ATXN7: variants seen among roughly 807,000 people sequenced by gnomAD.
ATXN7 encodes the protein ataxin-7.
ATXN7 carries 12 observed loss-of-function variants against 70.5 expected under a neutral mutation model. The ratio of observed to expected loss-of-function variants is 0.17; its 90% CI spans 0.11 to 0.28. The LOEUF is 0.28. Among genes scored for constraint, ATXN7 ranks in the 10% least tolerant of loss-of-function variants. ATXN7 has a pLI of 1.00. For missense variants in ATXN7, 1,256 were observed against 1,131.7 expected (o/e 1.11, Z -1.58); for synonymous variants, 498 against 448.7 (o/e 1.11, Z -1.39).
intron 5 of ATXN7, among the ~76,000 whole-genome samples, chr3:63,975,004 T>TC (rs2075369451): frequency 6.6e-6 from 1 of 152,186 alleles, no homozygotes; most frequent in Non-Finnish European, 1.5e-5. Context: ...TTTTGAATCT[T>TC]CCCACATGGC....
chr3:64,001,271 T>A lies in ATXN7; in HGVS notation c.*1804T>A, dbSNP rs1470371521. On this transcript the variant is annotated 3_prime_UTR_variant, in exon 13 of 13. Transcript: ENST00000674280. ...AGAACAGTATCTTGTTCAATTATTA[T>A]GCAATCAATCAGTAAATGTTTTTAA... 2 of 152,252 alleles carry A rather than the reference T, an allele frequency of 1.3e-5. No individual in the cohort carries two copies. Among genetic ancestry groups the A allele is most frequent in the Non-Finnish European group, 2.9e-5 (2 of 68,046 alleles). 9.4% of individuals were successfully genotyped at this position (152,252 alleles called of 1,614,324 possible).
chr3:63,973,184 C>A (rs932102414), intron 5 of ATXN7, among the ~76,000 whole-genome samples: 1 of 152,218 alleles, frequency 6.6e-6, no homozygotes, highest in Non-Finnish European at 1.5e-5. Context: ...CTCTAAAGTT[C>A]TTGCCCTTTT....
intron 4 of ATXN7, among the ~76,000 whole-genome samples, chr3:63,943,680 C>T (rs1280906273): frequency 4.6e-5 from 7 of 152,124 alleles, no homozygotes; most frequent in African/African-American, 1.7e-4. Context: ...AACTTGAGTT[C>T]TTCTATTCTG....
Position 63,995,600 on chromosome 3 carries a change from A to C in ATXN7, c.1778A>C (p.Tyr593Ser). ...CCGACATCACAATGTGGAGTCAGCT[A>C]TCTGGCAGCAGCCACCGTCTCTACA... ...SVPTSQCGVS[Y>S]LAAATVSTSP... Residue 593 changes from tyrosine (Y) to serine (S), a missense_variant, in exon 12 of 13, where the codon TAT becomes TCT. Tyr to Ser is a moderately radical substitution (Grantham distance 144). Transcript: ENST00000674280. The C allele has an allele frequency of 1.2e-6, 2 of 1,614,148 alleles. No homozygotes were observed. Among genetic ancestry groups the C allele is most frequent in the Non-Finnish European group, 1.7e-6 (2 of 1,180,024 alleles).
chr3:63,955,676 A>T (rs1172292454), intron 5 of ATXN7, among the ~76,000 whole-genome samples: 1 of 152,230 alleles, frequency 6.6e-6, no homozygotes, highest in African/African-American at 2.4e-5. Context: ...ACAGTTTTCA[A>T]ATTCAGAATC....
intron 4 of ATXN7, among the ~76,000 whole-genome samples, chr3:63,913,620 TAAA>T (rs201756285): frequency 2.0e-5 from 3 of 152,228 alleles, no homozygotes; most frequent in East Asian, 1.9e-4. Flanking sequence ...ATTTTGAACT[TAAA>T]GAAGATGCTT....
intron 8 of ATXN7, among the ~76,000 whole-genome samples, chr3:63,987,695 A>G (rs1020707060): frequency 2.6e-5 from 4 of 152,088 alleles, no homozygotes; most frequent in Non-Finnish European, 5.9e-5. Flanking sequence ...GGTTTTTCTA[A>G]TGGAGTCAAT....
chr3:64,001,533 G>T lies in ATXN7; in HGVS notation c.*2066G>T, dbSNP rs2075833104. The T allele has an allele frequency of 1.3e-5, 2 of 152,236 alleles. No individual in the cohort carries two copies. 9.4% of individuals were successfully genotyped at this position (152,236 alleles called of 1,614,324 possible). A position where few individuals can be genotyped will look rare whatever the true frequency, so the allele number is the denominator to read the frequency against. Reference sequence around the variant, plus strand: ...GTTGCCTTTAGCAATGGAATTTACAGATCGATCATGTTGTTCCGAAAGATG... The same window carrying T: ...GTTGCCTTTAGCAATGGAATTTACATATCGATCATGTTGTTCCGAAAGATG... On this transcript the variant is annotated 3_prime_UTR_variant, in exon 13 of 13. Coordinates refer to ENST00000674280, the MANE Select transcript of ATXN7 (RefSeq NM_001377405.1).
chr3:63,903,554 A>G (rs1703728462), intron 2 of ATXN7, among the ~76,000 whole-genome samples: 1 of 152,228 alleles, frequency 6.6e-6, no homozygotes, highest in African/African-American at 2.4e-5. Flanking sequence ...TAACGGCCAC[A>G]TACCTCTATT....
chr3:63,885,686 A>G (rs114000817), intron 1 of ATXN7, among the ~76,000 whole-genome samples: 1 of 152,316 alleles, frequency 6.6e-6, no homozygotes, highest in Non-Finnish European at 1.5e-5. Flanking sequence ...TATGGAGTCA[A>G]TCTTGGTATC....
At chr3:63,868,226 T>C (rs967582144) in intron 1 of ATXN7, among the ~76,000 whole-genome samples, 61 of 152,198 alleles carry the variant, frequency 4.0e-4, no homozygotes, top group African/African-American at 1.4e-3. Context: ...GGCAGGACAG[T>C]AGAACATGAT....
Position 63,980,029 on chromosome 3 carries a change from G to A in ATXN7, c.614G>A (p.Arg205His), listed in dbSNP as rs751858038. ...SKGGSASGSN[R>H]SSSGGVLSAS... is the part of the protein sequence containing the mutation. ...GGAGGCAGTGCAAGTGGAAGCAACC[G>A]TTCTTCCAGTGGAGGTGTTCTTAGC... Residue 205 changes from arginine to histidine, a missense_variant, in exon 6 of 13, where the codon CGT (arginine) becomes CAT (histidine). Physicochemically the swap from Arg to His is conservative, Grantham distance 29. Coordinates refer to ENST00000674280, the MANE Select transcript of ATXN7 (RefSeq NM_001377405.1). The A allele has an allele frequency of 3.1e-6, 5 of 1,614,046 alleles. No individual in the cohort carries two copies. Among genetic ancestry groups the A allele is most frequent in the Admixed American group, 1.7e-5 (1 of 60,004 alleles).
At chr3:63,919,055 A>C (rs1704401572) in intron 4 of ATXN7, among the ~76,000 whole-genome samples, 1 of 152,142 alleles carries the variant, frequency 6.6e-6, no homozygotes, top group Admixed American at 6.6e-5. Flanking sequence ...CTCCTGTAGC[A>C]GGGACTTTTC....
intron 5 of ATXN7, among the ~76,000 whole-genome samples, chr3:63,966,384 C>G (rs2075222655): frequency 6.6e-6 from 1 of 151,970 alleles, no homozygotes. Context: ...TTTTTTCTAG[C>G]TTAAGAAAAG....
intron 4 of ATXN7, among the ~76,000 whole-genome samples, chr3:63,920,607 A>G (rs1704472667): frequency 6.6e-6 from 1 of 152,198 alleles, no homozygotes; most frequent in South Asian, 2.1e-4. Flanking sequence ...AAGTAAAAAT[A>G]TCAGAGCCTT....
upstream of ATXN7, chr3:63,863,554 C>T (rs1702291308): frequency 2.5e-6 from 3 of 1,196,340 alleles, no homozygotes; most frequent in Non-Finnish European, 3.1e-6. Flanking sequence ...AGCCGAGGGT[C>T]TCCGAGGGGC....
At chr3:63,979,812 A>G (rs1009961225) in intron 5 of ATXN7, 103 bp from the exon 6 acceptor site, 4 of 1,500,046 alleles carry the variant, frequency 2.7e-6, no homozygotes, top group Non-Finnish European at 2.7e-6. Flanking sequence ...ACTTAACGAC[A>G]CGTGTTTTAA....
intron 3 of ATXN7, 83 bp from the exon 4 acceptor site, chr3:63,913,074 T>TA: frequency 1.4e-6 from 2 of 1,397,866 alleles, no homozygotes; most frequent in Non-Finnish European, 2.0e-6. Flanking sequence ...TGCCCACACC[T>TA]ACCCCGTGCG....
intron 2 of ATXN7, among the ~76,000 whole-genome samples, chr3:63,906,960 TA>T (rs909920678): frequency 3.3e-5 from 5 of 152,156 alleles, no homozygotes; most frequent in Non-Finnish European, 5.9e-5. Context: ...GGGGAGCCCC[TA>T]AAAATGTTAG....
Sources: allele counts gnomAD v4.1 joint callset (sites outside exome capture counted in the v4.1 genomes callset), GRCh38; gene constraint gnomAD v4.1.1; transcripts MANE v1.5; gene names NCBI Gene and HGNC (gene_info 2026-07-23, HGNC 2026-07-21).